Variants in PDE7B observed in about 807,000 individuals in gnomAD.
PDE7B encodes 3',5'-cyclic-AMP phosphodiesterase 7B.
PDE7B carries 29 observed loss-of-function variants against 56.2 expected under a neutral mutation model. The observed-to-expected ratio is 0.52, with a 90% CI of 0.38 to 0.70. PDE7B has a LOEUF of 0.70. Ranked by LOEUF, PDE7B falls within the 30% of genes least tolerant of loss-of-function variation. The pLI, the probability that PDE7B is intolerant of heterozygous loss-of-function variation, is 0.00. For missense variants in PDE7B, 490 were observed against 565.0 expected (o/e 0.87, Z 1.35); for synonymous variants, 197 against 196.9 (o/e 1.00, Z 0.00).
intron 3 of PDE7B, among the ~76,000 whole-genome samples, chr6:136,132,277 A>T (rs1778131082): frequency 1.3e-5 from 2 of 151,864 alleles, no homozygotes. Flanking sequence ...CCTTTTTTTT[A>T]AAGTACCAAA....
At chr6:136,135,557 G>A (rs1169323361) in intron 3 of PDE7B, among the ~76,000 whole-genome samples, 1 of 151,760 alleles carries the variant, frequency 6.6e-6, no homozygotes, top group Non-Finnish European at 1.5e-5. Context: ...AATATATTTG[G>A]TTGTCATCAG....
At chr6:136,053,731 A>C (rs1385918665) in intron 2 of PDE7B, among the ~76,000 whole-genome samples, 1 of 152,146 alleles carries the variant, frequency 6.6e-6, no homozygotes, top group East Asian at 1.9e-4. Flanking sequence ...TTGTTTCCTG[A>C]CTTTTTAATG....
intron 2 of PDE7B, among the ~76,000 whole-genome samples, chr6:136,002,089 C>T (rs1028140408): frequency 7.9e-5 from 12 of 152,154 alleles, no homozygotes; most frequent in African/African-American, 2.9e-4. Flanking sequence ...AATTTCATAT[C>T]CAGTGAAACT....
Position 135,960,296 on chromosome 6 carries a change from G to A in PDE7B, c.82+12772G>A, listed in dbSNP as rs75142279. ...CAACTGTACCATTGAAAATGGAGAA[G>A]TGTTTGACTAATAACAAAACATGTG... On this transcript the variant is annotated intron_variant, in intron 2 of 12. Coordinates refer to ENST00000308191, the MANE Select transcript of PDE7B (RefSeq NM_018945.4). Among the ~76,000 whole-genome samples, 1,246 of 152,292 alleles carry A rather than the reference G, an allele frequency of 8.2e-3. 11 individuals are homozygous for A. The highest frequency in any genetic ancestry group is 0.012 in the Non-Finnish European group (850 of 68,020).
intron 10 of PDE7B, 108 bp downstream of exon 10, chr6:136,179,249 G>A: frequency 1.0e-6 from 1 of 956,246 alleles, no homozygotes; most frequent in Non-Finnish European, 1.6e-6. Context: ...GCTGAGGCAT[G>A]GGGATCACTT....
Position 136,183,072 on chromosome 6 carries a change from C to CCA in PDE7B, c.1045+1749_1045+1750insCA, listed in dbSNP as rs1445828336. On this transcript the variant is annotated intron_variant, in intron 11 of 12. Transcript: ENST00000308191. ...GGGCAACAGAGCAAGACTCCGTCTC[C>CCA]AAAAAAAAAAAAAAAAAAACCCTTT... Among the ~76,000 whole-genome samples the CCA allele has an allele frequency of 9.0e-3, 454 of 50,442 alleles. 6 individuals carry two copies. The highest frequency in any genetic ancestry group is 0.028 in the African/African-American group (397 of 14,134). The allele number at this position is 50,442 out of a possible 152,430, so 33.1% of individuals were successfully genotyped here.
chr6:136,136,003 A>G (rs1778206580), intron 3 of PDE7B, among the ~76,000 whole-genome samples: 1 of 152,098 alleles, frequency 6.6e-6, no homozygotes, highest in African/African-American at 2.4e-5. Flanking sequence ...TTATTTTTAC[A>G]GGGCAACTGC....
intron 11 of PDE7B, among the ~76,000 whole-genome samples, chr6:136,186,055 G>A (rs535232632): frequency 2.6e-5 from 4 of 151,664 alleles, no homozygotes; most frequent in South Asian, 2.1e-4. Flanking sequence ...GTTTTGCCAC[G>A]GAAAGTAAGG....
At chr6:136,073,638 G>A (rs1777084790) in intron 2 of PDE7B, among the ~76,000 whole-genome samples, 1 of 152,132 alleles carries the variant, frequency 6.6e-6, no homozygotes, top group Non-Finnish European at 1.5e-5. Context: ...TAACTTAACT[G>A]CCTTTTAAAA....
intron 2 of PDE7B, among the ~76,000 whole-genome samples, chr6:135,986,787 TC>T (rs1232731141): frequency 1.3e-5 from 2 of 152,374 alleles, no homozygotes; most frequent in South Asian, 2.1e-4. Context: ...GTCCATTTTC[TC>T]TTCCCAAAGC....
chr6:135,942,978 T>G (rs1221005529), intron 1 of PDE7B, among the ~76,000 whole-genome samples: 1 of 152,194 alleles, frequency 6.6e-6, no homozygotes, highest in Non-Finnish European at 1.5e-5. Flanking sequence ...ATAGCATTCA[T>G]CTTTCCCTTC....
At chr6:135,853,155 C>T (rs1044028790) in intron 1 of PDE7B, among the ~76,000 whole-genome samples, 2 of 152,098 alleles carry the variant, frequency 1.3e-5, no homozygotes, top group African/African-American at 4.8e-5. Context: ...AAATCCTTAC[C>T]CTGTTCCAAA....
At chr6:135,884,527 A>G (rs1057321303) in intron 1 of PDE7B, among the ~76,000 whole-genome samples, 1 of 152,104 alleles carries the variant, frequency 6.6e-6, no homozygotes, top group Non-Finnish European at 1.5e-5. Flanking sequence ...TGAAATCTCT[A>G]TCCTGGTCCC....
chr6:135,854,278 T>G (rs1429530762), intron 1 of PDE7B, among the ~76,000 whole-genome samples: 3 of 152,188 alleles, frequency 2.0e-5, no homozygotes, highest in Non-Finnish European at 4.4e-5. Flanking sequence ...CAAAGAATAC[T>G]AAAAGGGCTT....
At chr6:135,957,908 G>A (rs552383821) in intron 2 of PDE7B, among the ~76,000 whole-genome samples, 2 of 152,184 alleles carry the variant, frequency 1.3e-5, no homozygotes, top group African/African-American at 4.8e-5. Flanking sequence ...TGTCCCCTGA[G>A]CTGGGCCCAC....
At position 135,876,490 on chromosome 6, in the gene PDE7B, A is replaced by G. The variant is rs143678812; in HGVS notation, c.21+24471A>G. Reference sequence around the variant, plus strand: ...ATCATAAGCTGGTGAAATTTCAGCCATGCTTTCTTGGAAAATGGCATCTCC... The same window carrying G: ...ATCATAAGCTGGTGAAATTTCAGCCGTGCTTTCTTGGAAAATGGCATCTCC... On this transcript the variant is annotated intron_variant, in intron 1 of 12. Transcript: ENST00000308191. Among the ~76,000 whole-genome samples, 962 of 152,282 alleles carry G rather than the reference A, an allele frequency of 6.3e-3. 38 individuals are homozygous for G. The highest frequency in any genetic ancestry group is 1.2e-3 in the East Asian group (6 of 5,186).
At chr6:135,863,622 A>G (rs935173369) in intron 1 of PDE7B, among the ~76,000 whole-genome samples, 2 of 151,964 alleles carry the variant, frequency 1.3e-5, no homozygotes, top group East Asian at 3.8e-4. Flanking sequence ...AGAATTCCTT[A>G]TAAACAATTT....
At chr6:136,140,314 T>G (rs199557322) in intron 3 of PDE7B, among the ~76,000 whole-genome samples, 2 of 152,212 alleles carry the variant, frequency 1.3e-5, no homozygotes, top group East Asian at 3.9e-4. Flanking sequence ...GGCTCTGTTC[T>G]GTTCCATTGG....
chr6:135,893,357 T>C (rs1043898500), intron 1 of PDE7B, among the ~76,000 whole-genome samples: 1 of 151,936 alleles, frequency 6.6e-6, no homozygotes, highest in Admixed American at 6.6e-5. Context: ...CTGAGAATGA[T>C]GGTTTCCAGC....
Sources: allele counts gnomAD v4.1 joint callset (sites outside exome capture counted in the v4.1 genomes callset), GRCh38; gene constraint gnomAD v4.1.1; transcripts MANE v1.5; gene names NCBI Gene and HGNC (gene_info 2026-07-23, HGNC 2026-07-21).